Variants in ZFPM2 observed in about 807,000 individuals in gnomAD.
The protein encoded by ZFPM2 is zinc finger protein, FOG family member 2.
In ZFPM2, 20 loss-of-function variants were observed where a neutral mutation model predicts 98.6. The ratio of observed to expected loss-of-function variants is 0.20; its 90% confidence interval spans 0.14 to 0.29. ZFPM2 has a LOEUF of 0.29. Ranked by LOEUF, ZFPM2 falls within the 10% of genes least tolerant of loss-of-function variation. ZFPM2 has a pLI of 1.00. For synonymous variants in ZFPM2, 518 were observed against 502.7 expected (o/e 1.03, Z -0.41); for missense variants, 1,310 against 1,388.6 (o/e 0.94, Z 0.90).
At chr8:105,387,247 C>T (rs1442845499) in intron 1 of ZFPM2, 1 of 153,422 alleles carries the variant, frequency 6.5e-6, no homozygotes. Flanking sequence ...CCCCACCAGA[C>T]TCAGGAGCCC....
intron 4 of ZFPM2, among the ~76,000 whole-genome samples, chr8:105,567,921 T>C (rs1412203852): frequency 1.3e-5 from 2 of 152,114 alleles, no homozygotes; most frequent in East Asian, 1.9e-4. Flanking sequence ...TCAGATTTCA[T>C]TGATGTTGAC....
chr8:105,712,105 T>C (rs920980673), intron 5 of ZFPM2, among the ~76,000 whole-genome samples: 1 of 151,908 alleles, frequency 6.6e-6, no homozygotes, highest in Non-Finnish European at 1.5e-5. Flanking sequence ...GATTGTTAAC[T>C]GGGGGAAAAA....
chr8:105,620,680 C>G (rs938546529), intron 4 of ZFPM2, among the ~76,000 whole-genome samples: 16 of 152,162 alleles, frequency 1.1e-4, no homozygotes, highest in African/African-American at 3.9e-4. Context: ...ACATTTAAGT[C>G]TTTAATCCAT....
chr8:105,665,144 G>A (rs1226962305), intron 5 of ZFPM2, among the ~76,000 whole-genome samples: 1 of 152,044 alleles, frequency 6.6e-6, no homozygotes, highest in Non-Finnish European at 1.5e-5. Flanking sequence ...GAGAGAGGAA[G>A]CCAAGGAATG....
intron 1 of ZFPM2, among the ~76,000 whole-genome samples, chr8:105,412,534 A>G (rs567145424): frequency 1.3e-5 from 2 of 151,844 alleles, no homozygotes; most frequent in Non-Finnish European, 2.9e-5. Context: ...CCTGCAGGCA[A>G]CAAATGTAAA....
chr8:105,447,547 G>C (rs1041713659), intron 3 of ZFPM2, among the ~76,000 whole-genome samples: 6 of 152,030 alleles, frequency 3.9e-5, no homozygotes, highest in African/African-American at 1.4e-4. Flanking sequence ...TACTAATTGA[G>C]TTTAGCCGCA....
At chr8:105,369,649 A>G (rs894410298) in intron 1 of ZFPM2, among the ~76,000 whole-genome samples, 6 of 152,176 alleles carry the variant, frequency 3.9e-5, no homozygotes, top group African/African-American at 1.4e-4. Context: ...TTCTGTCAGT[A>G]TCAATTATTT....
chr8:105,454,628 C>G (rs750065569), intron 3 of ZFPM2, among the ~76,000 whole-genome samples: 1 of 152,112 alleles, frequency 6.6e-6, no homozygotes, highest in Admixed American at 6.5e-5. Context: ...GCCAGGATCC[C>G]TTGTATCTGT....
intron 1 of ZFPM2, among the ~76,000 whole-genome samples, chr8:105,343,569 T>C (rs1812466651): frequency 6.6e-6 from 1 of 152,134 alleles, no homozygotes; most frequent in Non-Finnish European, 1.5e-5. Context: ...TGGGTCTACA[T>C]TCTACTCACT....
intron 3 of ZFPM2, among the ~76,000 whole-genome samples, chr8:105,490,483 G>C (rs1304803137): frequency 6.6e-6 from 1 of 152,142 alleles, no homozygotes; most frequent in Non-Finnish European, 1.5e-5. Context: ...GTTTCTTGCT[G>C]TAGCAGATAG....
chr8:105,643,265 C>G (rs1287546462), intron 5 of ZFPM2, among the ~76,000 whole-genome samples: 1 of 152,130 alleles, frequency 6.6e-6, no homozygotes, highest in African/African-American at 2.4e-5. Context: ...TACCAGACTT[C>G]GACAATTTTT....
intron 5 of ZFPM2, among the ~76,000 whole-genome samples, chr8:105,783,061 A>C (rs1178216993): frequency 6.6e-6 from 1 of 152,102 alleles, no homozygotes; most frequent in Non-Finnish European, 1.5e-5. Context: ...AGTTCATTCA[A>C]ATGAAAAGAC....
intron 5 of ZFPM2, among the ~76,000 whole-genome samples, chr8:105,668,028 G>T (rs1476936471): frequency 6.6e-6 from 1 of 152,120 alleles, no homozygotes; most frequent in Non-Finnish European, 1.5e-5. Context: ...GAGGCCCCGG[G>T]ACCAAAAAGT....
intron 3 of ZFPM2, among the ~76,000 whole-genome samples, chr8:105,515,900 A>T (rs1813909492): frequency 6.7e-6 from 1 of 148,896 alleles, no homozygotes; most frequent in Non-Finnish European, 1.5e-5. Flanking sequence ...GCAAGAAAGA[A>T]AAAACAACTT....
chr8:105,699,119 G>T (rs539976475), intron 5 of ZFPM2, among the ~76,000 whole-genome samples: 8 of 152,084 alleles, frequency 5.3e-5, no homozygotes, highest in African/African-American at 1.7e-4. Context: ...TGCAAATTTG[G>T]GTCTCTCTAT....
chr8:105,473,228 C>A (rs1384861019), intron 3 of ZFPM2, among the ~76,000 whole-genome samples: 1 of 152,030 alleles, frequency 6.6e-6, no homozygotes, highest in Admixed American at 6.5e-5. Context: ...TCTATTGCAT[C>A]TTTTAGGATC....
chr8:105,353,707 A>C (rs1371884471), intron 1 of ZFPM2, among the ~76,000 whole-genome samples: 1 of 152,204 alleles, frequency 6.6e-6, no homozygotes, highest in African/African-American at 2.4e-5. Context: ...TAATGCATTT[A>C]TACTCCTTAT....
At chr8:105,345,888 A>G (rs953255394) in intron 1 of ZFPM2, among the ~76,000 whole-genome samples, 7 of 152,182 alleles carry the variant, frequency 4.6e-5, no homozygotes, top group Non-Finnish European at 7.3e-5. Context: ...ATATTTAAAA[A>G]TCAATTTCAT....
intron 4 of ZFPM2, among the ~76,000 whole-genome samples, chr8:105,631,227 T>C (rs1220307101): frequency 6.6e-6 from 1 of 152,178 alleles, no homozygotes; most frequent in Non-Finnish European, 1.5e-5. Context: ...CTTACAGAAT[T>C]AAGCACAAGA....
Sources: gnomAD v4.1 joint callset for allele counts (sites outside exome capture counted in the v4.1 genomes callset) on GRCh38, gnomAD v4.1.1 for gene constraint, MANE v1.5 for transcripts, NCBI Gene and HGNC (gene_info 2026-07-23, HGNC 2026-07-21) for gene names.